The following VWA5A variants were observed in gnomAD, a reference collection of about 807,000 sequenced individuals.
VWA5A encodes the protein von Willebrand factor A domain-containing protein 5A.
VWA5A carries 77 observed loss-of-function variants against 84.6 expected under a neutral mutation model. The ratio of observed to expected loss-of-function variants is 0.91; its 90% CI spans 0.76 to 1.10. The LOEUF is 1.10. VWA5A is among the 50% of genes least tolerant of loss of function. VWA5A has a pLI of 0.00. For synonymous variants in VWA5A, 334 were observed against 350.1 expected (o/e 0.95, Z 0.51); for missense variants, 973 against 963.0 (o/e 1.01, Z -0.14).
intron 7 of VWA5A, 143 bp downstream of exon 7, chr11:124,119,232 G>A (rs1239120497): frequency 2.6e-6 from 2 of 761,426 alleles, no homozygotes; most frequent in Non-Finnish European, 4.2e-6. Flanking sequence ...ACTATGTCAT[G>A]CAAAAATGGT....
Position 124,125,922 on chromosome 11 carries a change from T to C in VWA5A, c.1244+1606T>C, listed in dbSNP as rs1230754009. On this transcript the variant is annotated intron_variant, in intron 11 of 18. Transcript: ENST00000456829. ...TTTCTGTGTCCTGTTAAAAAGTCTT[T>C]CCCTATCCAAAGTTTCGTATTTTTG... is the stretch of plus-strand genomic sequence containing the variant. Among the ~76,000 whole-genome samples, 4 of 152,376 alleles carry C rather than the reference T, an allele frequency of 2.6e-5. No homozygotes were observed. The East Asian group carries it at 7.7e-4, about 29-fold the overall frequency.
chr11:124,125,397 C>T (rs547855173), intron 11 of VWA5A, among the ~76,000 whole-genome samples: 1 of 152,172 alleles, frequency 6.6e-6, no homozygotes, highest in Non-Finnish European at 1.5e-5. Flanking sequence ...ATTCTCCCGC[C>T]TCAGCCTCCC....
intron 11 of VWA5A, among the ~76,000 whole-genome samples, chr11:124,128,743 A>G (rs1283887959): frequency 2.0e-5 from 3 of 152,124 alleles, no homozygotes; most frequent in Admixed American, 6.5e-5. Context: ...CTTTGTAGCA[A>G]TTGTAAACGG....
At chr11:124,141,137 G>A (rs1463653672) in intron 15 of VWA5A, among the ~76,000 whole-genome samples, 3 of 152,192 alleles carry the variant, frequency 2.0e-5, no homozygotes, top group Non-Finnish European at 4.4e-5. Context: ...AAATAACAAA[G>A]AGATTGGAAG....
chr11:124,117,426 C>CTTGAAT, intron 2 of VWA5A, 71 bp from the exon 3 acceptor site: 2 of 1,381,592 alleles, frequency 1.4e-6, no homozygotes, highest in Non-Finnish European at 2.1e-6. Flanking sequence ...CAGAGAAAGG[C>CTTGAAT]ACATAAAGTA....
intron 16 of VWA5A, among the ~76,000 whole-genome samples, chr11:124,142,158 A>C (rs1157589672): frequency 1.3e-5 from 2 of 152,278 alleles, no homozygotes; most frequent in Admixed American, 6.5e-5. Context: ...GGTGACCCCT[A>C]GTCGAACAAA....
At chr11:124,126,178 A>G (rs1359506476) in intron 11 of VWA5A, among the ~76,000 whole-genome samples, 1 of 152,186 alleles carries the variant, frequency 6.6e-6, no homozygotes, top group Non-Finnish European at 1.5e-5. Context: ...TAAGTCCTCA[A>G]TTTTGTTCAT....
intron 17 of VWA5A, 35 bp downstream of exon 17, chr11:124,142,607 T>C: frequency 6.2e-7 from 1 of 1,612,328 alleles, no homozygotes; most frequent in East Asian, 2.2e-5. Context: ...ATGTATGTTT[T>C]TGAGAGAGAG....
chr11:124,141,672 G>T lies in VWA5A; in HGVS notation c.1954G>T (p.Ala652Ser). The T allele has an allele frequency of 3.7e-6, 6 of 1,614,112 alleles. No individual in the cohort carries two copies. Among genetic ancestry groups the T allele is most frequent in the Non-Finnish European group, 5.1e-6 (6 of 1,180,018 alleles). The change falls in exon 16 of 19, where the codon GCC (alanine) becomes TCC (serine). Residue 652 changes from alanine to serine, a missense_variant. Transcript: ENST00000456829. Reference protein sequence around the residue: ...QPRGELMCYKAKTFQMDDYSL... With the variant: ...QPRGELMCYKSKTFQMDDYSL... Reference sequence around the variant, plus strand: ...CAGAGGGGAACTTATGTGTTATAAGGCCAAGACATTCCAGATGGACGATTA... The same window carrying T: ...CAGAGGGGAACTTATGTGTTATAAGTCCAAGACATTCCAGATGGACGATTA...
chr11:124,146,043 T>G lies in VWA5A; in HGVS notation c.*98T>G. On this transcript the variant is annotated 3_prime_UTR_variant, in exon 19 of 19. Coordinates refer to ENST00000456829, the MANE Select transcript of VWA5A (RefSeq NM_001130142.2). ...GATGTGTTCTTGTGTATTATAACTC[T>G]TTATTTTTTGCCATAAAAGTAAAGG... The G allele has an allele frequency of 7.8e-7, 1 of 1,287,434 alleles. No individual in the cohort carries two copies. Among genetic ancestry groups the G allele is most frequent in the Non-Finnish European group, 1.1e-6 (1 of 938,102 alleles). 79.8% of individuals were successfully genotyped at this position (1,287,434 alleles called of 1,614,324 possible). A position where few individuals can be genotyped will look rare whatever the true frequency, so the allele number is the denominator to read the frequency against.
chr11:124,123,897 A>G, intron 10 of VWA5A, 93 bp downstream of exon 10: 2 of 1,453,240 alleles, frequency 1.4e-6, no homozygotes, highest in Non-Finnish European at 1.8e-6. Context: ...GTTGAAATAT[A>G]GTTTGCAATT....
At chr11:124,129,364 C>T (rs530578150) in intron 11 of VWA5A, among the ~76,000 whole-genome samples, 26 of 152,070 alleles carry the variant, frequency 1.7e-4, no homozygotes, top group African/African-American at 4.1e-4. Context: ...TTTGATGTGC[C>T]GCTGGATTCG....
chr11:124,145,312 G>A lies in VWA5A; in HGVS notation c.2230G>A (p.Glu744Lys), dbSNP rs1393333475. ...CAGCAATGGTAAGGACTTGAAGTGT[G>A]AATGGGAGCTTCTGGAAAGGAAGGC... ...LHSNGKDLKCEWELLERKAVA... is the reference protein window; with the variant it reads ...LHSNGKDLKCKWELLERKAVA... The change falls in exon 18 of 19, where the codon GAA (glutamate) becomes AAA (lysine). Residue 744 changes from glutamate to lysine, a missense_variant. Transcript: ENST00000456829. The A allele has an allele frequency of 6.2e-7, 1 of 1,613,796 alleles. No individual in the cohort carries two copies. The highest frequency in any genetic ancestry group is 1.3e-5 in the African/African-American group (1 of 74,932).
intron 11 of VWA5A, among the ~76,000 whole-genome samples, chr11:124,132,878 A>G (rs149792599): frequency 5.1e-4 from 77 of 152,282 alleles, no homozygotes; most frequent in African/African-American, 1.8e-3. Flanking sequence ...TCTAATGTGT[A>G]TATTCAGAGC....
At chr11:124,119,915 TAAGA>T (rs1487592289) in intron 7 of VWA5A, among the ~76,000 whole-genome samples, 8 of 152,352 alleles carry the variant, frequency 5.3e-5, no homozygotes, top group East Asian at 1.9e-4. Flanking sequence ...AATTCTTAAT[TAAGA>T]AAGTTCTTAA....
At chr11:124,144,759 T>G (rs1386324400) in intron 17 of VWA5A, among the ~76,000 whole-genome samples, 1 of 152,246 alleles carries the variant, frequency 6.6e-6, no homozygotes, top group Non-Finnish European at 1.5e-5. Flanking sequence ...TGGCCTTTAG[T>G]CTCACTTCTG....
intron 1 of VWA5A, 185 bp from the exon 2 acceptor site, chr11:124,116,381 G>A (rs536870743): frequency 6.6e-6 from 1 of 152,422 alleles, no homozygotes; most frequent in Non-Finnish European, 1.5e-5. Context: ...TCTGAGCTTA[G>A]AATCAGGAAG....
At chr11:124,117,006 A>G (rs1202271094) in intron 2 of VWA5A, among the ~76,000 whole-genome samples, 3 of 152,228 alleles carry the variant, frequency 2.0e-5, no homozygotes, top group African/African-American at 7.2e-5. Context: ...GATTAACAGT[A>G]ACAACAATAA....
At chr11:124,139,606 G>A (rs1482317486) in intron 15 of VWA5A, among the ~76,000 whole-genome samples, 1 of 151,438 alleles carries the variant, frequency 6.6e-6, no homozygotes. Context: ...TGCTGTTTGT[G>A]TATAGAAACA....
Sources: allele counts gnomAD v4.1 joint callset (sites outside exome capture counted in the v4.1 genomes callset), GRCh38; gene constraint gnomAD v4.1.1; transcripts MANE v1.5; gene names NCBI Gene and HGNC (gene_info 2026-07-23, HGNC 2026-07-21).